Variants in RNF144B observed in about 807,000 individuals in gnomAD.
RNF144B encodes the protein E3 ubiquitin-protein ligase RNF144B.
In RNF144B, 25 loss-of-function variants were observed where a neutral mutation model predicts 40.2. The ratio of observed to expected loss-of-function variants is 0.62; its 90% CI spans 0.45 to 0.87. The LOEUF (loss-of-function observed/expected upper bound fraction) is 0.87, where lower values mean the gene tolerates loss of function less well. Ranked by LOEUF, RNF144B falls within the 40% of genes least tolerant of loss-of-function variation. The pLI, the probability that RNF144B is intolerant of heterozygous loss-of-function variation, is 0.00. For synonymous variants in RNF144B, 145 were observed against 136.3 expected (o/e 1.06, Z -0.44); for missense variants, 365 against 373.7 (o/e 0.98, Z 0.19).
At chr6:18,389,645 A>T (rs765941430) in intron 1 of RNF144B, among the ~76,000 whole-genome samples, 2 of 152,120 alleles carry the variant, frequency 1.3e-5, no homozygotes, top group Non-Finnish European at 2.9e-5. Context: ...CCAGTTTGAG[A>T]TAGAGGTCAG....
intron 1 of RNF144B, among the ~76,000 whole-genome samples, chr6:18,391,003 A>G (rs961720232): frequency 1.3e-5 from 2 of 152,222 alleles, no homozygotes; most frequent in African/African-American, 4.8e-5. Context: ...ACTGGTTTCC[A>G]ATTTGTTTCT....
At position 18,414,949 on chromosome 6, in the gene RNF144B, A is replaced by G. The variant is rs1246317668; in HGVS notation, c.166-12632A>G. Reference sequence around the variant, plus strand: ...GGATATTGGTTCCAAGCCCCTTCCCACTCCCCACCCCAAAGATACCCAAAT... The same window carrying G: ...GGATATTGGTTCCAAGCCCCTTCCCGCTCCCCACCCCAAAGATACCCAAAT... On this transcript the variant is annotated intron_variant, in intron 2 of 7. Transcript: ENST00000259939. The surrounding 1 kb of genome is among the most constrained non-coding windows in gnomAD (Gnocchi z 4.9). 2.6e-5 allele frequency among the ~76,000 whole-genome samples: 4 copies of G among 151,810 alleles called. No individual in the cohort carries two copies. The East Asian group carries it at 7.7e-4, about 29-fold the overall frequency.
In RNF144B at chr6:18,418,152, G is replaced by A. The variant is rs566339729; in HGVS notation, c.166-9429G>A. On this transcript the variant is annotated intron_variant, in intron 2 of 7. Transcript: ENST00000259939. This position sits in a 1 kb window ranked among gnomAD's most constrained non-coding sequence, Gnocchi z 5.2. ...ACTGCTGGTGGGAATGGAAAATGAT[G>A]CAATTGCTTTGGAAAATCATCTAGC... 7.9e-5 allele frequency among the ~76,000 whole-genome samples: 12 copies of A among 152,308 alleles called. No homozygotes were observed. The highest frequency in any genetic ancestry group is 2.9e-4 in the African/African-American group (12 of 41,572).
chr6:18,417,040 G>T (rs1018004237), intron 2 of RNF144B, among the ~76,000 whole-genome samples: 1 of 151,996 alleles, frequency 6.6e-6, no homozygotes, highest in African/African-American at 2.4e-5. Flanking sequence ...AAAATATTTA[G>T]GGATAAATTT....
chr6:18,440,615 C>G (rs1440537247), intron 4 of RNF144B, among the ~76,000 whole-genome samples: 2 of 151,752 alleles, frequency 1.3e-5, no homozygotes, highest in African/African-American at 4.8e-5. Flanking sequence ...ATCTTTATCT[C>G]ATTTAATTTT....
chr6:18,454,841 A>T (rs1759292860), intron 4 of RNF144B, among the ~76,000 whole-genome samples: 1 of 152,228 alleles, frequency 6.6e-6, no homozygotes, highest in African/African-American at 2.4e-5. Context: ...GTTTTAATTG[A>T]TTAGAGCTAT....
chr6:18,406,612 TAA>T lies in RNF144B; in HGVS notation c.165+6914_165+6915del, dbSNP rs1420512430. Among the ~76,000 whole-genome samples, 3 of 151,742 alleles carry T rather than the reference TAA, an allele frequency of 2.0e-5. No individual in the cohort carries two copies. Among genetic ancestry groups the T allele is most frequent in the Non-Finnish European group, 4.4e-5 (3 of 67,976 alleles). On this transcript the variant is annotated intron_variant, in intron 2 of 7. Transcript: ENST00000259939. The surrounding 1 kb of genome is among the most constrained non-coding windows in gnomAD (Gnocchi z 4.2). Reference sequence around the variant, plus strand: ...AGTCCAAGTCTGAAGGCTTGAGAACTAAGAGAGCCAGTGGTATAAGTCCCAGT... The same window carrying T: ...AGTCCAAGTCTGAAGGCTTGAGAACTGAGAGCCAGTGGTATAAGTCCCAGT...
At chr6:18,428,627 G>A (rs568108) in intron 3 of RNF144B, among the ~76,000 whole-genome samples, 31,944 of 151,792 alleles carry the variant, frequency 0.21, 3,393 homozygotes, top group East Asian at 0.25. Flanking sequence ...GCCTCTGAAC[G>A]ACATCCCAAG....
rs550694310 is a variant in RNF144B at position 18,467,595 on chromosome 6, A to G, written c.*2528A>G. Reference sequence around the variant, plus strand: ...TCTCTGGTACATCAAGGGGCATGATACAAACCAGTCTAAAGACTGTTTATA... The same window carrying G: ...TCTCTGGTACATCAAGGGGCATGATGCAAACCAGTCTAAAGACTGTTTATA... On this transcript the variant is annotated 3_prime_UTR_variant, in exon 8 of 8. Coordinates refer to ENST00000259939, the MANE Select transcript of RNF144B (RefSeq NM_182757.4). The G allele has an allele frequency of 6.6e-6, 1 of 152,076 alleles. No homozygotes were observed. The allele number at this position is 152,076 out of a possible 1,614,324, so 9.4% of individuals were successfully genotyped here. A position where few individuals can be genotyped will look rare whatever the true frequency, so the allele number is the denominator to read the frequency against.
Position 18,416,188 on chromosome 6 carries a change from G to A in RNF144B, c.166-11393G>A, listed in dbSNP as rs1207569660. Among the ~76,000 whole-genome samples the A allele has an allele frequency of 5.3e-5, 8 of 152,168 alleles. No individual in the cohort carries two copies. The highest frequency in any genetic ancestry group is 7.3e-5 in the Non-Finnish European group (5 of 68,042). On this transcript the variant is annotated intron_variant, in intron 2 of 7. Coordinates refer to ENST00000259939, the MANE Select transcript of RNF144B (RefSeq NM_182757.4). The surrounding 1 kb of genome is among the most constrained non-coding windows in gnomAD (Gnocchi z 5.5). ...CATAAGATAGCACCTGGGCCAGAGG[G>A]ATCTCTTTGGGATTAGTATAAAAAG...
rs563874478 is a variant in RNF144B, at chr6:18,465,300, G to C, written c.*233G>C. 1.9e-6 allele frequency: 1 copy of C among 539,396 alleles called. No homozygotes were observed. The allele number at this position is 539,396 out of a possible 1,614,324, so 33.4% of individuals were successfully genotyped here. A position where few individuals can be genotyped will look rare whatever the true frequency, so the allele number is the denominator to read the frequency against. On this transcript the variant is annotated 3_prime_UTR_variant, in exon 8 of 8. Transcript: ENST00000259939. ...GGTCCAGCTGTTTCTATGGAGCTTT[G>C]GGGTTCCTTGAGATGAATGAACATA... is the stretch of plus-strand genomic sequence containing the variant.
intron 1 of RNF144B, among the ~76,000 whole-genome samples, chr6:18,390,759 A>T (rs1235942116): frequency 1.3e-5 from 2 of 152,240 alleles, no homozygotes; most frequent in Non-Finnish European, 2.9e-5. Flanking sequence ...ATTCTCCTGC[A>T]TATGATTATA....
In RNF144B at chr6:18,410,243, A is replaced by G. The variant is rs1006089191; in HGVS notation, c.165+10544A>G. ...CCTTATTCCAATATTCTCTAAGTCT[A>G]TTCCCACCTTTGTCCAGACTCTACT... is the stretch of plus-strand genomic sequence containing the variant. On this transcript the variant is annotated intron_variant, in intron 2 of 7. Coordinates refer to ENST00000259939, the MANE Select transcript of RNF144B (RefSeq NM_182757.4). This position sits in a 1 kb window ranked among gnomAD's most constrained non-coding sequence, Gnocchi z 4.6. 2.6e-5 allele frequency among the ~76,000 whole-genome samples: 4 copies of G among 152,096 alleles called. No homozygotes were observed. Among genetic ancestry groups the G allele is most frequent in the Non-Finnish European group, 5.9e-5 (4 of 68,006 alleles).
In RNF144B at chr6:18,444,548, G is replaced by T. The variant is rs905242306; in HGVS notation, c.331+4804G>T. On this transcript the variant is annotated intron_variant, in intron 4 of 7. Coordinates refer to ENST00000259939, the MANE Select transcript of RNF144B (RefSeq NM_182757.4). The surrounding 1 kb of genome is among the most constrained non-coding windows in gnomAD (Gnocchi z 4.3). Reference sequence around the variant, plus strand: ...TTTTTGTGACCCTGTTTGACTTTCTGTAACTGCAAGTTGCTTCCGTTCCTT... The same window carrying T: ...TTTTTGTGACCCTGTTTGACTTTCTTTAACTGCAAGTTGCTTCCGTTCCTT... Among the ~76,000 whole-genome samples the T allele has an allele frequency of 6.2e-4, 94 of 151,752 alleles. No individual in the cohort carries two copies. The highest frequency in any genetic ancestry group is 2.2e-3 in the African/African-American group (91 of 41,270).
At chr6:18,440,881 C>T (rs1334150356) in intron 4 of RNF144B, among the ~76,000 whole-genome samples, 1 of 138,208 alleles carries the variant, frequency 7.2e-6, no homozygotes, top group South Asian at 2.5e-4. Context: ...ATATATTAAG[C>T]TAAATATACC....
At chr6:18,451,244 T>G (rs975889769) in intron 4 of RNF144B, among the ~76,000 whole-genome samples, 7 of 152,200 alleles carry the variant, frequency 4.6e-5, no homozygotes, top group African/African-American at 1.7e-4. Flanking sequence ...AAAGCCTCTA[T>G]TTTTCATCTC....
intron 2 of RNF144B, among the ~76,000 whole-genome samples, chr6:18,424,572 C>T (rs1758505665): frequency 6.6e-6 from 1 of 152,050 alleles, no homozygotes. Flanking sequence ...TTTCAAAATT[C>T]ATTTAGTTGA....
rs1489389450 is a variant in RNF144B, at chr6:18,405,411, G to A, written c.165+5712G>A. 3.3e-5 allele frequency among the ~76,000 whole-genome samples: 5 copies of A among 152,024 alleles called. No homozygotes were observed. In the South Asian group the frequency reaches 6.2e-4, roughly 19 times the overall value. ...AGGCTGGTCTTGAACTCCTGACCTC[G>A]TGATCCACCTGCCTCGGCCTCCCAA... is the stretch of plus-strand genomic sequence containing the variant. On this transcript the variant is annotated intron_variant, in intron 2 of 7. Transcript: ENST00000259939. The surrounding 1 kb of genome is among the most constrained non-coding windows in gnomAD (Gnocchi z 4.5).
In RNF144B at chr6:18,450,275, G is replaced by A. The variant is rs1367728640; in HGVS notation, c.332-6880G>A. 1.3e-5 allele frequency among the ~76,000 whole-genome samples: 2 copies of A among 151,768 alleles called. No homozygotes were observed. Reference sequence around the variant, plus strand: ...GTAAACAGTCTTTGGCGGGATGAGGGGAACAACTCTGATTTGTAGTGCTTG... The same window carrying A: ...GTAAACAGTCTTTGGCGGGATGAGGAGAACAACTCTGATTTGTAGTGCTTG... On this transcript the variant is annotated intron_variant, in intron 4 of 7. Transcript: ENST00000259939. This position sits in a 1 kb window ranked among gnomAD's most constrained non-coding sequence, Gnocchi z 4.7.
Sources: allele counts gnomAD v4.1 joint callset (sites outside exome capture counted in the v4.1 genomes callset), GRCh38; gene constraint gnomAD v4.1.1; non-coding constraint Gnocchi (gnomAD v3.1); transcripts MANE v1.5; gene names NCBI Gene and HGNC (gene_info 2026-07-23, HGNC 2026-07-21).